Variants in THEM4 observed in about 807,000 individuals in gnomAD.
THEM4 encodes the protein acyl-coenzyme A thioesterase THEM4.
In THEM4, 22 loss-of-function variants were observed where a neutral mutation model predicts 25.0. The observed-to-expected ratio is 0.88, with a 90% CI of 0.63 to 1.26. The LOEUF (loss-of-function observed/expected upper bound fraction) is 1.26, where lower values mean the gene tolerates loss of function less well. THEM4 is among the 50% of genes most tolerant of loss of function. THEM4 has a pLI of 0.00. For missense variants in THEM4, 286 were observed against 300.3 expected, an observed-to-expected ratio of 0.95 and a Z score of 0.35; for synonymous variants, 113 against 105.6, an observed-to-expected ratio of 1.07 and a Z score of -0.43.
chr1:151,905,016 A>G (rs1654426391), intron 1 of THEM4, among the ~76,000 whole-genome samples: 2 of 152,238 alleles, frequency 1.3e-5, no homozygotes, highest in African/African-American at 4.8e-5. Flanking sequence ...GTAAAGACAA[A>G]GCATAGATTA....
intron 5 of THEM4, 76 bp downstream of exon 5, chr1:151,876,925 A>G (rs939621476): frequency 1.3e-6 from 2 of 1,482,504 alleles, no homozygotes; most frequent in East Asian, 2.4e-5. Flanking sequence ...ACCCAAATCA[A>G]CCAACCAACC....
At chr1:151,880,373 G>A (rs1653785338) in intron 4 of THEM4, among the ~76,000 whole-genome samples, 1 of 152,016 alleles carries the variant, frequency 6.6e-6, no homozygotes, top group Non-Finnish European at 1.5e-5. Context: ...AGCTACTTGG[G>A]AGGCTGAGAC....
chr1:151,893,793 G>A (rs1332715193), intron 2 of THEM4, among the ~76,000 whole-genome samples: 1 of 152,106 alleles, frequency 6.6e-6, no homozygotes, highest in East Asian at 1.9e-4. Flanking sequence ...AGTAAGGGAG[G>A]AGAGTGAATA....
At chr1:151,885,708 C>T (rs1653953913) in intron 4 of THEM4, among the ~76,000 whole-genome samples, 1 of 152,232 alleles carries the variant, frequency 6.6e-6, no homozygotes, top group African/African-American at 2.4e-5. Context: ...ACCCTTTCAG[C>T]TGGCTTGTCA....
intron 2 of THEM4, among the ~76,000 whole-genome samples, chr1:151,892,090 G>A (rs1654107083): frequency 6.6e-6 from 1 of 152,104 alleles, no homozygotes; most frequent in Non-Finnish European, 1.5e-5. Context: ...GGCTTTTTAA[G>A]ATGAGGGGAA....
chr1:151,902,578 T>C (rs1220957038), intron 1 of THEM4, among the ~76,000 whole-genome samples: 1 of 152,154 alleles, frequency 6.6e-6, no homozygotes, highest in Non-Finnish European at 1.5e-5. Context: ...TGCACCAATA[T>C]CTCACAAATC....
Position 151,871,835 on chromosome 1 carries a change from C to T in THEM4, c.*3053G>A, listed in dbSNP as rs1054302639. ...TGCCATAGCAGTTCTGCAAGCCTGC[C>T]AGAGAAATCTAACGATGAGAGTACA... On this transcript the variant is annotated 3_prime_UTR_variant, in exon 6 of 6. Transcript: ENST00000368814. Among the ~76,000 whole-genome samples the T allele has an allele frequency of 1.1e-4, 16 of 152,320 alleles. No individual in the cohort carries two copies. The South Asian group carries it at 2.1e-3, about 20-fold the overall frequency.
chr1:151,882,994 C>T (rs994178272), intron 4 of THEM4, among the ~76,000 whole-genome samples: 5 of 151,766 alleles, frequency 3.3e-5, no homozygotes, highest in African/African-American at 9.7e-5. Flanking sequence ...CTTACAATCA[C>T]GGCAAAGGTG....
At chr1:151,900,588 G>T (rs1462706631) in intron 1 of THEM4, among the ~76,000 whole-genome samples, 2 of 152,056 alleles carry the variant, frequency 1.3e-5, no homozygotes, top group Non-Finnish European at 2.9e-5. Flanking sequence ...AGACAAAGAG[G>T]GACATTATAC....
intron 1 of THEM4, among the ~76,000 whole-genome samples, chr1:151,908,661 G>A (rs1372086829): frequency 1.3e-5 from 2 of 152,166 alleles, no homozygotes; most frequent in African/African-American, 4.8e-5. Flanking sequence ...TATTTATAAG[G>A]CCTTTATGTT....
At chr1:151,877,921 C>T (rs985044027) in intron 4 of THEM4, among the ~76,000 whole-genome samples, 1 of 152,070 alleles carries the variant, frequency 6.6e-6, no homozygotes, top group Non-Finnish European at 1.5e-5. Context: ...GTTTCGTGCT[C>T]CTATGGTACT....
chr1:151,896,635 A>C (rs1654232811), intron 1 of THEM4, among the ~76,000 whole-genome samples: 1 of 152,206 alleles, frequency 6.6e-6, no homozygotes, highest in East Asian at 1.9e-4. Flanking sequence ...ACACTAAGCT[A>C]ACTGGCTTGA....
Position 151,872,230 on chromosome 1 carries a change from C to T in THEM4, c.*2658G>A, listed in dbSNP as rs1319864708. ...TTCCAGGATGTGGGTCTTCCTCTGG[C>T]TTGGCCATCCCAGGTCAGTCAGCTC... is the stretch of plus-strand genomic sequence containing the variant. On this transcript the variant is annotated 3_prime_UTR_variant, in exon 6 of 6. Transcript: ENST00000368814. 2.0e-5 allele frequency among the ~76,000 whole-genome samples: 3 copies of T among 152,296 alleles called. No individual in the cohort carries two copies. The highest frequency in any genetic ancestry group is 3.9e-4 in the East Asian group (2 of 5,184).
chr1:151,894,333 G>A (rs1021288190), intron 2 of THEM4, among the ~76,000 whole-genome samples: 5 of 152,136 alleles, frequency 3.3e-5, no homozygotes, highest in South Asian at 2.1e-4. Context: ...AACATAATAC[G>A]AAGAGTGAAC....
rs1318136722 is a variant in THEM4, at chr1:151,872,088, T to G, written c.*2800A>C. 6.6e-6 allele frequency among the ~76,000 whole-genome samples: 1 copy of G among 152,212 alleles called. No homozygotes were observed. Among genetic ancestry groups the G allele is most frequent in the Admixed American group, 6.5e-5 (1 of 15,284 alleles). ...AGCCCAGCCATCTCCTGGGGCACTTTCCCAGGCTCTCTCAGAATTTCTGGG... is the reference window on the plus strand; with the variant it reads ...AGCCCAGCCATCTCCTGGGGCACTTGCCCAGGCTCTCTCAGAATTTCTGGG... On this transcript the variant is annotated 3_prime_UTR_variant, in exon 6 of 6. Transcript: ENST00000368814.
chr1:151,876,600 A>G (rs1653684461), intron 5 of THEM4, among the ~76,000 whole-genome samples: 1 of 151,846 alleles, frequency 6.6e-6, no homozygotes, highest in Admixed American at 6.6e-5. Context: ...GGCGCACACT[A>G]CCATGCCCCG....
chr1:151,907,766 T>C (rs1240741286), intron 1 of THEM4, among the ~76,000 whole-genome samples: 1 of 152,206 alleles, frequency 6.6e-6, no homozygotes, highest in East Asian at 1.9e-4. Context: ...CCTATTTTTC[T>C]TTTTACGATA....
chr1:151,905,602 A>G (rs1295129041), intron 1 of THEM4, among the ~76,000 whole-genome samples: 8 of 152,194 alleles, frequency 5.3e-5, no homozygotes, highest in Non-Finnish European at 7.3e-5. Context: ...AGTCTTGATA[A>G]CATTCTCAAA....
chr1:151,889,406 A>C lies in THEM4; in HGVS notation c.287-33T>G, dbSNP rs772057490. ...AAATGAGGTGGATGGCAAATGAGAAACAAGGGTGAGAGAAATGCCATGGCA... is the reference window on the plus strand; with the variant it reads ...AAATGAGGTGGATGGCAAATGAGAACCAAGGGTGAGAGAAATGCCATGGCA... On this transcript the variant is annotated intron_variant, in intron 2 of 5. Transcript: ENST00000368814. The C allele has an allele frequency of 8.7e-6, 14 of 1,606,162 alleles. No homozygotes were observed. The Admixed American group carries it at 2.4e-4, about 27-fold the overall frequency.
Sources: gnomAD v4.1 joint callset for allele counts (sites outside exome capture counted in the v4.1 genomes callset) on GRCh38, gnomAD v4.1.1 for gene constraint, MANE v1.5 for transcripts, NCBI Gene and HGNC (gene_info 2026-07-23, HGNC 2026-07-21) for gene names.